The following DIAPH3 variants were observed in gnomAD, a reference collection of about 807,000 sequenced individuals.
The protein encoded by DIAPH3 is diaphanous related formin 3.
A neutral mutation model predicts 144.3 loss-of-function variants in DIAPH3; 117 were observed. The observed-to-expected ratio is 0.81, with a 90% CI of 0.70 to 0.95. DIAPH3 has a LOEUF of 0.95. Ranked by LOEUF, DIAPH3 falls within the 40% of genes least tolerant of loss-of-function variation. The pLI is 0.00. For missense variants in DIAPH3, 1,421 were observed against 1,412.7 expected (o/e 1.01, Z -0.09); for synonymous variants, 519 against 488.9 (o/e 1.06, Z -0.81).
chr13:59,683,223 T>A (rs933450756), intron 27 of DIAPH3, among the ~76,000 whole-genome samples: 1 of 152,152 alleles, frequency 6.6e-6, no homozygotes, highest in South Asian at 2.1e-4. Context: ...ATGTAACAAG[T>A]AGAAACAGTA....
In DIAPH3 at chr13:59,783,565, T is replaced by C. The variant is rs1425789530; in HGVS notation, c.3164-8742A>G. Among the ~76,000 whole-genome samples the C allele has an allele frequency of 2.6e-5, 4 of 152,082 alleles. No homozygotes were observed. The South Asian group carries it at 6.2e-4, about 24-fold the overall frequency. On this transcript the variant is annotated intron_variant, in intron 25 of 27. Transcript: ENST00000400324. Reference sequence around the variant, plus strand: ...TCGTACCTGAAACTATGGAAAAGAGTACAAGCATAGTAAAGTGGTAGAGAA... The same window carrying C: ...TCGTACCTGAAACTATGGAAAAGAGCACAAGCATAGTAAAGTGGTAGAGAA...
chr13:59,761,445 T>G (rs11838780), intron 27 of DIAPH3, among the ~76,000 whole-genome samples: 2,527 of 152,242 alleles, frequency 0.017, 75 homozygotes, highest in East Asian at 0.12. Context: ...AAAAAAAATG[T>G]AGAGTGGTAC....
intron 3 of DIAPH3, among the ~76,000 whole-genome samples, chr13:60,107,638 C>A (rs779581615): frequency 6.6e-6 from 1 of 152,092 alleles, no homozygotes; most frequent in Non-Finnish European, 1.5e-5. Context: ...TTCAAACATA[C>A]GCTTAAGAGA....
intron 25 of DIAPH3, among the ~76,000 whole-genome samples, chr13:59,792,146 A>G (rs1234664376): frequency 6.6e-6 from 1 of 152,128 alleles, no homozygotes; most frequent in African/African-American, 2.4e-5. Flanking sequence ...ATCTCTGCTC[A>G]CCCCTTCTGG....
intron 3 of DIAPH3, among the ~76,000 whole-genome samples, chr13:60,101,305 T>C (rs2058261757): frequency 2.0e-5 from 3 of 152,142 alleles, no homozygotes; most frequent in Non-Finnish European, 1.5e-5. Flanking sequence ...ATCTATGTTA[T>C]CATCTAAAGT....
intron 3 of DIAPH3, among the ~76,000 whole-genome samples, chr13:60,097,431 C>T (rs761169069): frequency 6.6e-6 from 1 of 152,166 alleles, no homozygotes; most frequent in Non-Finnish European, 1.5e-5. Flanking sequence ...CCTCCTCTCT[C>T]ACCATGTGAT....
chr13:60,025,420 A>AG (rs1306583075), intron 5 of DIAPH3, among the ~76,000 whole-genome samples: 2 of 151,606 alleles, frequency 1.3e-5, no homozygotes, highest in Non-Finnish European at 2.9e-5. Flanking sequence ...AAAAAAAAAA[A>AG]AGGAAATAGT....
chr13:59,887,757 G>GT (rs2045544010), intron 20 of DIAPH3, among the ~76,000 whole-genome samples: 1 of 151,958 alleles, frequency 6.6e-6, no homozygotes, highest in African/African-American at 2.4e-5. Context: ...AGAATTTACT[G>GT]ATTTTTTTTG....
intron 27 of DIAPH3, among the ~76,000 whole-genome samples, chr13:59,681,639 C>A (rs2032957025): frequency 6.6e-6 from 1 of 151,652 alleles, no homozygotes; most frequent in Non-Finnish European, 1.5e-5. Flanking sequence ...TTTTACAAGA[C>A]TCATTATAAA....
At chr13:60,137,324 A>G (rs185365002) in intron 1 of DIAPH3, among the ~76,000 whole-genome samples, 4 of 152,236 alleles carry the variant, frequency 2.6e-5, no homozygotes, top group Admixed American at 6.5e-5. Context: ...TTTATTGAAG[A>G]TAGTACATGC....
intron 25 of DIAPH3, among the ~76,000 whole-genome samples, chr13:59,798,732 T>A (rs1189490398): frequency 6.6e-6 from 1 of 152,202 alleles, no homozygotes; most frequent in Non-Finnish European, 1.5e-5. Flanking sequence ...TCTTAGGCTC[T>A]GAACAGAAAA....
chr13:59,859,800 A>T (rs2043474499), intron 22 of DIAPH3, among the ~76,000 whole-genome samples: 1 of 152,208 alleles, frequency 6.6e-6, no homozygotes, highest in South Asian at 2.1e-4. Context: ...CAACCCATTC[A>T]GTTCAATGCC....
At chr13:59,755,048 C>T (rs755598776) in intron 27 of DIAPH3, among the ~76,000 whole-genome samples, 16 of 152,088 alleles carry the variant, frequency 1.1e-4, no homozygotes, top group East Asian at 1.9e-4. Flanking sequence ...ATGAACTATA[C>T]GTTCAATGTT....
intron 2 of DIAPH3, among the ~76,000 whole-genome samples, chr13:60,128,774 T>A (rs181983756): frequency 6.6e-6 from 1 of 151,650 alleles, no homozygotes; most frequent in East Asian, 1.9e-4. Context: ...TGGATTCAAT[T>A]ACCTTTTTTT....
Position 59,871,107 on chromosome 13 carries a change from G to A in DIAPH3, c.2607+8122C>T, listed in dbSNP as rs532690067. ...CATTGCTGGCATACAGGAAACCACTGGCTTTTTAAATTAGGTGACCTCATA... is the reference window on the plus strand; with the variant it reads ...CATTGCTGGCATACAGGAAACCACTAGCTTTTTAAATTAGGTGACCTCATA... On this transcript the variant is annotated intron_variant, in intron 21 of 27. Transcript: ENST00000400324. 1.4e-4 allele frequency among the ~76,000 whole-genome samples: 21 copies of A among 151,336 alleles called. No individual in the cohort carries two copies. The East Asian group carries it at 2.9e-3, about 21-fold the overall frequency.
At chr13:60,070,397 T>A (rs939083188) in intron 4 of DIAPH3, among the ~76,000 whole-genome samples, 2 of 152,080 alleles carry the variant, frequency 1.3e-5, no homozygotes, top group African/African-American at 4.8e-5. Flanking sequence ...GATCTATTAT[T>A]TGTCTTTTGC....
rs567185163 is a variant in DIAPH3, at chr13:60,163,705, T to C, written c.62A>G (p.Tyr21Cys). 2.5e-5 allele frequency: 41 copies of C among 1,608,072 alleles called. No individual in the cohort carries two copies. Among genetic ancestry groups the C allele is most frequent in the Middle Eastern group, 1.7e-4 (1 of 5,982 alleles). The change falls in exon 1 of 28, where the codon TAC (tyrosine) becomes TGC (cysteine). Residue 21 changes from tyrosine (Y) to cysteine (C), a missense_variant. Transcript: ENST00000400324. Reference protein sequence around the residue: ...PAQGSAAGTPYPSSASLRGCR... With the variant: ...PAQGSAAGTPCPSSASLRGCR... ...GCCGCGGAGAGAGGCTGAGGAAGGG[T>C]AGGGAGTCCCAGCGGCTGAGCCTTG...
At chr13:60,041,781 T>C (rs531394337) in intron 5 of DIAPH3, among the ~76,000 whole-genome samples, 71 of 152,290 alleles carry the variant, frequency 4.7e-4, no homozygotes, top group African/African-American at 1.7e-3. Context: ...TCTACAATCC[T>C]TGTAGCTCTG....
intron 27 of DIAPH3, among the ~76,000 whole-genome samples, chr13:59,668,482 A>C (rs1207946161): frequency 6.6e-6 from 1 of 152,238 alleles, no homozygotes; most frequent in Non-Finnish European, 1.5e-5. Flanking sequence ...AGATTAAATT[A>C]GCCAAAATAT....
Sources: allele counts gnomAD v4.1 joint callset (sites outside exome capture counted in the v4.1 genomes callset), GRCh38; gene constraint gnomAD v4.1.1; transcripts MANE v1.5; gene names NCBI Gene and HGNC (gene_info 2026-07-23, HGNC 2026-07-21).